The following NEBL variants were observed in gnomAD, a reference collection of about 807,000 sequenced individuals.
NEBL encodes the protein LIM and SH3 protein 2.
A neutral mutation model predicts 140.2 loss-of-function variants in NEBL; 122 were observed. The observed-to-expected ratio is 0.87, with a 90% CI of 0.75 to 1.01. NEBL has a LOEUF of 1.01. NEBL is among the 50% of genes least tolerant of loss of function. NEBL has a pLI of 0.00. For missense variants in NEBL, 1,365 were observed against 1,231.3 expected, an observed-to-expected ratio of 1.11 and a Z score of -1.62; for synonymous variants, 436 against 398.9, an observed-to-expected ratio of 1.09 and a Z score of -1.11.
chr10:20,786,460 A>G (rs1470492397), intron 27 of NEBL, among the ~76,000 whole-genome samples: 1 of 152,202 alleles, frequency 6.6e-6, no homozygotes, highest in African/African-American at 2.4e-5. Context: ...TAAGATACAT[A>G]CTCAATTGTA....
Position 21,014,282 on chromosome 10 carries a change from C to A in NEBL, c.249+5835G>T, listed in dbSNP as rs368662042. On this transcript the variant is annotated intron_variant, in intron 3 of 6. Transcript: ENST00000417816. ...GGGATTACAGGAGTGAGCCATCAGG[C>A]CTGGCCTATTTTTTATTACGTTATT... is the stretch of plus-strand genomic sequence containing the variant. Among the ~76,000 whole-genome samples the A allele has an allele frequency of 6.6e-4, 100 of 152,166 alleles. 1 individual carries two copies. The highest frequency in any genetic ancestry group is 3.4e-3 in the Middle Eastern group (1 of 294).
rs750164587 is a variant in NEBL at position 20,797,968 on chromosome 10, T to A, written c.2761+10542A>T. On this transcript the variant is annotated intron_variant, in intron 26 of 27. Coordinates refer to ENST00000377122, the MANE Select transcript of NEBL (RefSeq NM_006393.3). ...ACAAAAAAATACTCACCAGGCATGGTGGAGGATGCCTGTCCTCCCAGTGAT... is the reference window on the plus strand; with the variant it reads ...ACAAAAAAATACTCACCAGGCATGGAGGAGGATGCCTGTCCTCCCAGTGAT... Among the ~76,000 whole-genome samples, 26 of 151,848 alleles carry A rather than the reference T, an allele frequency of 1.7e-4. 1 individual carries two copies. Among genetic ancestry groups the A allele is most frequent in the Non-Finnish European group, 2.8e-4 (19 of 67,956 alleles).
chr10:21,276,538 G>C (rs1842926966), intron 1 of NEBL, among the ~76,000 whole-genome samples: 1 of 152,174 alleles, frequency 6.6e-6, no homozygotes, highest in South Asian at 2.1e-4. Context: ...GGTCAAAACT[G>C]ATTGCCACTC....
At chr10:20,895,194 C>A (rs778614942) in intron 2 of NEBL, among the ~76,000 whole-genome samples, 2 of 152,170 alleles carry the variant, frequency 1.3e-5, no homozygotes, top group Non-Finnish European at 2.9e-5. Context: ...ACAGTTACCA[C>A]TTTAGTCCTG....
rs936216558 is a variant in NEBL, at chr10:20,819,486, T to G, written c.1993A>C (p.Thr665Pro). ...ATCTCCGGGGTCATGCTTACCGGAG[T>G]GGCCTTGTAGTTTTGCTCTTTATAC... ...LQYKEQNYKA[T>P]PVSMTPEIER... The change falls in exon 20 of 28, where the codon ACT becomes CCT. Residue 665 changes from threonine (T) to proline (P), a missense_variant. By Grantham distance (38) the Thr-to-Pro change is conservative. Transcript: ENST00000377122. 54 of 1,613,820 alleles carry G rather than the reference T, an allele frequency of 3.3e-5. No homozygotes were observed. The highest frequency in any genetic ancestry group is 4.4e-5 in the Non-Finnish European group (52 of 1,179,944).
At position 21,233,684 on chromosome 10, in the gene NEBL, C is replaced by A. The variant is rs368145559; in HGVS notation, n.348+14237G>T. ...TAGATATATATCTATATATGTATAT[C>A]TAGATATAGAGACATATTTATATAT... On this transcript the variant is annotated intron_variant and non_coding_transcript_variant, in intron 3 of 8. Transcript: ENST00000675702. Among the ~76,000 whole-genome samples the A allele has an allele frequency of 3.5e-3, 486 of 139,318 alleles. 4 individuals carry two copies. The highest frequency in any genetic ancestry group is 0.012 in the African/African-American group (446 of 37,788). 91.4% of individuals were successfully genotyped at this position (139,318 alleles called of 152,430 possible). A position where few individuals can be genotyped will look rare whatever the true frequency, so the allele number is the denominator to read the frequency against.
chr10:20,867,157 T>C (rs1844376644), intron 7 of NEBL, among the ~76,000 whole-genome samples: 2 of 152,270 alleles, frequency 1.3e-5, no homozygotes, highest in Non-Finnish European at 1.5e-5. Flanking sequence ...ATTTAATTTA[T>C]TCAAGTTTTT....
intron 2 of NEBL, among the ~76,000 whole-genome samples, chr10:21,075,099 C>T (rs1487625679): frequency 6.6e-6 from 1 of 152,098 alleles, no homozygotes; most frequent in Non-Finnish European, 1.5e-5. Flanking sequence ...AGCCACGACA[C>T]CCAGCCCAGA....
upstream of NEBL, among the ~76,000 whole-genome samples, chr10:20,899,873 G>C (rs544797827): frequency 1.3e-5 from 2 of 152,300 alleles, no homozygotes; most frequent in East Asian, 1.9e-4. Context: ...TGGCAAGCTA[G>C]AGACACCATT....
chr10:21,006,799 A>C (rs1316350955), intron 3 of NEBL, among the ~76,000 whole-genome samples: 3 of 152,236 alleles, frequency 2.0e-5, no homozygotes, highest in East Asian at 1.9e-4. Context: ...GATAACAATA[A>C]GAAGAAAGTT....
At chr10:20,996,195 G>A (rs144018464) in intron 3 of NEBL, among the ~76,000 whole-genome samples, 12 of 152,310 alleles carry the variant, frequency 7.9e-5, no homozygotes, top group African/African-American at 2.4e-4. Flanking sequence ...CCACTACGAT[G>A]TGATACGCTT....
intron 3 of NEBL, among the ~76,000 whole-genome samples, chr10:20,964,416 T>C (rs1035778666): frequency 4.6e-5 from 7 of 152,184 alleles, no homozygotes; most frequent in African/African-American, 1.7e-4. Context: ...CAGCATCTGC[T>C]TCTGGTCAGA....
chr10:20,858,418 A>G lies in NEBL; in HGVS notation c.799-74T>C, dbSNP rs560560527. ...ATGCTTTTGCATTATTGCATTTTTC[A>G]TACATCATAAAGTAGGACTATTTAG... is the stretch of plus-strand genomic sequence containing the variant. On this transcript the variant is annotated intron_variant, in intron 8 of 27. Coordinates refer to ENST00000377122, the MANE Select transcript of NEBL (RefSeq NM_006393.3). 144 of 1,240,878 alleles carry G rather than the reference A, an allele frequency of 1.2e-4. No individual in the cohort carries two copies. The East Asian group carries it at 3.2e-3, about 27-fold the overall frequency. The allele number at this position is 1,240,878 out of a possible 1,614,324, so 76.9% of individuals were successfully genotyped here.
chr10:21,075,153 T>C (rs1298350085), intron 2 of NEBL, among the ~76,000 whole-genome samples: 1 of 151,988 alleles, frequency 6.6e-6, no homozygotes, highest in Non-Finnish European at 1.5e-5. Context: ...AAGAAGAAAG[T>C]AGATGAAAGA....
intron 2 of NEBL, among the ~76,000 whole-genome samples, chr10:21,123,069 C>T (rs1329599839): frequency 1.3e-5 from 2 of 152,154 alleles, no homozygotes; most frequent in African/African-American, 4.8e-5. Flanking sequence ...TTCATCCATG[C>T]TTAACACTTT....
intron 3 of NEBL, among the ~76,000 whole-genome samples, chr10:21,212,597 G>A (rs1260511522): frequency 2.0e-5 from 3 of 152,300 alleles, no homozygotes; most frequent in Middle Eastern, 6.8e-3. Context: ...GGAATCACCC[G>A]GTTCTTCAGC....
chr10:20,835,586 C>T lies in NEBL; in HGVS notation c.1376G>A (p.Gly459Glu), dbSNP rs773525087. The T allele has an allele frequency of 1.2e-6, 2 of 1,612,234 alleles. No individual in the cohort carries two copies. The highest frequency in any genetic ancestry group is 2.7e-5 in the African/African-American group (2 of 74,888). The change falls in exon 14 of 28, where the codon GGG becomes GAG. Residue 459 changes from glycine to glutamate, a missense_variant. Around this residue, in one of 2 missense-constraint regions of NEBL, gnomAD observed 1,323 missense variants for 1,154.8 expected, o/e 1.15. Transcript: ENST00000377122. ...GTCAGTGCCAGCTTGCATTCCTTTCCCTTTAATTATTGACTCCAGGTCTTT... is the reference window on the plus strand; with the variant it reads ...GTCAGTGCCAGCTTGCATTCCTTTCTCTTTAATTATTGACTCCAGGTCTTT... ...YKKDLESIIKGKGMQAGTDTL... is the reference protein window; with the variant it reads ...YKKDLESIIKEKGMQAGTDTL...
At chr10:21,181,386 C>T (rs568962388) in intron 3 of NEBL, among the ~76,000 whole-genome samples, 109 of 151,346 alleles carry the variant, frequency 7.2e-4, no homozygotes, top group Admixed American at 3.6e-3. Flanking sequence ...GTGAAGGTAG[C>T]GTTTTCTGTA....
intron 1 of NEBL, among the ~76,000 whole-genome samples, chr10:21,272,621 G>T (rs1179761740): frequency 6.6e-6 from 1 of 152,044 alleles, no homozygotes; most frequent in African/African-American, 2.4e-5. Context: ...AAACACCAGG[G>T]GTTCTTGCTC....
Sources: gnomAD v4.1 joint callset for allele counts (sites outside exome capture counted in the v4.1 genomes callset) on GRCh38, gnomAD v4.1.1 for gene constraint, gnomAD v4.1.1 regional missense constraint, MANE v1.5 for transcripts, NCBI Gene and HGNC (gene_info 2026-07-23, HGNC 2026-07-21) for gene names.